Variants in COL22A1 observed in about 807,000 individuals in gnomAD.
COL22A1 encodes collagen alpha-1(XXII) chain.
COL22A1 carries 221 observed loss-of-function variants against 248.9 expected under a neutral mutation model. The observed-to-expected ratio is 0.89, with a 90% confidence interval of 0.80 to 0.99. The LOEUF (loss-of-function observed/expected upper bound fraction) is 0.99, where lower values mean the gene tolerates loss of function less well. Among genes scored for constraint, COL22A1 ranks in the 50% least tolerant of loss-of-function variants. COL22A1 has a pLI of 0.00. For synonymous variants in COL22A1, 891 were observed against 793.4 expected (o/e 1.12, Z -2.07); for missense variants, 2,240 against 2,179.0 (o/e 1.03, Z -0.56).
chr8:138,820,835 T>C (rs937239526), intron 7 of COL22A1, among the ~76,000 whole-genome samples: 4 of 152,226 alleles, frequency 2.6e-5, no homozygotes, highest in African/African-American at 9.6e-5. Context: ...TGCTCTCTTT[T>C]GCGGGTACCG....
At chr8:138,722,853 G>C (rs1337306748) in intron 25 of COL22A1, among the ~76,000 whole-genome samples, 1 of 128,514 alleles carries the variant, frequency 7.8e-6, no homozygotes, top group African/African-American at 2.8e-5. Flanking sequence ...ATGGGGGCGG[G>C]GGGGGGGTGG....
intron 3 of COL22A1, among the ~76,000 whole-genome samples, chr8:138,849,719 A>G (rs1821492753): frequency 6.6e-6 from 1 of 152,058 alleles, no homozygotes; most frequent in Non-Finnish European, 1.5e-5. Context: ...CTCACCCTGT[A>G]CCTATAGGAT....
At chr8:138,660,178 C>T (rs1823687900) in intron 44 of COL22A1, among the ~76,000 whole-genome samples, 1 of 152,238 alleles carries the variant, frequency 6.6e-6, no homozygotes, top group African/African-American at 2.4e-5. Context: ...GGTGTTGACC[C>T]ATGACCGAGC....
At position 138,722,072 on chromosome 8, in the gene COL22A1, G is replaced by A. The variant is rs141313886; in HGVS notation, c.2265C>T (p.Asp755=). The A allele has an allele frequency of 6.6e-5, 104 of 1,583,286 alleles. 1 individual carries two copies. In the African/African-American group the frequency reaches 7.4e-4, roughly 11 times the overall value. The change falls in exon 26 of 65, where the codon GAC becomes GAT. Residue 755 remains aspartate, a synonymous_variant. Coordinates refer to ENST00000303045, the MANE Select transcript of COL22A1 (RefSeq NM_152888.3). ...PPGPTGPPGK[D]GPNGPPGPPG... ...GCGGACCTGGTGGTCCATTTGGCCC[G>A]TCCTTTCCAGGGGGTCCCTGGGCCA...
In COL22A1 at chr8:138,694,830, TC is replaced by T. The variant is rs1827371564; in HGVS notation, c.2641del (p.Glu881AsnfsTer121). The T allele has an allele frequency of 6.2e-7, 1 of 1,613,882 alleles. No homozygotes were observed. Among genetic ancestry groups the T allele is most frequent in the Non-Finnish European group, 8.5e-7 (1 of 1,179,976 alleles). On this transcript the variant is annotated frameshift_variant, in exon 33 of 65. Coordinates refer to ENST00000303045, the MANE Select transcript of COL22A1 (RefSeq NM_152888.3). LOFTEE classifies it high-confidence loss of function. ...GEKGDPGLPG[E>X]PGLQGRPGEL... ...AAGGGGACACAAGAGACTCACCGGT[TC>T]CCCAGGCAGGCCTGGATCGCCCTTC...
intron 3 of COL22A1, among the ~76,000 whole-genome samples, chr8:138,849,440 G>A (rs1821473478): frequency 6.6e-6 from 1 of 152,260 alleles, no homozygotes; most frequent in Admixed American, 6.5e-5. Context: ...ACTTCTTCCT[G>A]TAGAAAGAAA....
chr8:138,878,092 G>C lies in COL22A1; in HGVS notation c.316C>G (p.Arg106Gly). 1 of 1,599,176 alleles carries C rather than the reference G, an allele frequency of 6.3e-7. No individual in the cohort carries two copies. Among genetic ancestry groups the C allele is most frequent in the Non-Finnish European group, 8.5e-7 (1 of 1,173,962 alleles). The change falls in exon 3 of 65, where the codon CGG becomes GGG. Residue 106 changes from arginine to glycine, a missense_variant. By Grantham distance (125) the Arg-to-Gly change is moderately radical. Transcript: ENST00000303045. ...GSQEEVKAAA[R>G]RLAYHGGNTN... ...TTGCCCCCGTGGTAGGCGAGACGCCGGGCAGCCGCCTTGACCTCCTCCTGC... is the reference window on the plus strand; with the variant it reads ...TTGCCCCCGTGGTAGGCGAGACGCCCGGCAGCCGCCTTGACCTCCTCCTGC...
chr8:138,671,447 G>A (rs773360371), intron 41 of COL22A1, among the ~76,000 whole-genome samples: 4 of 152,216 alleles, frequency 2.6e-5, no homozygotes, highest in Admixed American at 2.6e-4. Flanking sequence ...GCCACCTCCT[G>A]TTGCGATTGT....
In COL22A1 at chr8:138,594,832, T is replaced by A. The variant is rs143362868; in HGVS notation, c.4433-633A>T. Among the ~76,000 whole-genome samples, 30 of 152,260 alleles carry A rather than the reference T, an allele frequency of 2.0e-4. 2 individuals carry two copies. In the East Asian group the frequency reaches 5.8e-3, roughly 29 times the overall value. ...GGTAAATGGCTTACACAAAGCTATG[T>A]TGGTCACTTTTCCTCTCCGATGTCA... On this transcript the variant is annotated intron_variant, in intron 62 of 64. Transcript: ENST00000303045.
chr8:138,662,064 C>G lies in COL22A1; in HGVS notation c.3206G>C (p.Gly1069Ala), dbSNP rs754956096. 1.2e-6 allele frequency: 2 copies of G among 1,612,236 alleles called. No homozygotes were observed. Among genetic ancestry groups the G allele is most frequent in the South Asian group, 2.2e-5 (2 of 90,656 alleles). Reference protein sequence around the residue: ...KGSPGSRGLPGFPGPQGPAGR... With the variant: ...KGSPGSRGLPAFPGPQGPAGR... ...GGCTGGGCCCTGGGGGCCAGGGAAT[C>G]CAGGTAAGCCTCGTGATCCCTGAAG... Residue 1069 changes from glycine (G) to alanine (A), a missense_variant, in exon 43 of 65, where the codon GGA becomes GCA. By Grantham distance (60) the Gly-to-Ala change is moderately conservative. Coordinates refer to ENST00000303045, the MANE Select transcript of COL22A1 (RefSeq NM_152888.3).
At chr8:138,704,387 C>G (rs1029440014) in intron 30 of COL22A1, among the ~76,000 whole-genome samples, 1 of 152,236 alleles carries the variant, frequency 6.6e-6, no homozygotes, top group African/African-American at 2.4e-5. Flanking sequence ...TAGGGGCCAA[C>G]TGAAACCTCA....
At chr8:138,672,374 AT>A (rs1320552437) in intron 41 of COL22A1, among the ~76,000 whole-genome samples, 5 of 152,144 alleles carry the variant, frequency 3.3e-5, no homozygotes. Flanking sequence ...TTACTCTAAT[AT>A]TTCAGTGGCT....
chr8:138,694,467 C>T, intron 34 of COL22A1, 41 bp downstream of exon 34: 1 of 1,600,468 alleles, frequency 6.2e-7, no homozygotes, highest in Non-Finnish European at 8.6e-7. Context: ...GCTGGGATCT[C>T]CAAGTCTCTG....
chr8:138,668,203 A>G (rs1298989963), intron 41 of COL22A1, among the ~76,000 whole-genome samples: 4 of 152,208 alleles, frequency 2.6e-5, no homozygotes, highest in Admixed American at 6.5e-5. Flanking sequence ...TCTTTTAGAA[A>G]CATATACTGA....
chr8:138,731,423 C>T (rs1685360907), intron 23 of COL22A1, among the ~76,000 whole-genome samples: 1 of 152,108 alleles, frequency 6.6e-6, no homozygotes, highest in Non-Finnish European at 1.5e-5. Context: ...AGCGCCAGCA[C>T]TGGAAGAAGG....
In COL22A1 at chr8:138,692,463, ATGTGTGTGTG is replaced by A. The variant is rs145298366; in HGVS notation, c.2754+1173_2754+1182del. Among the ~76,000 whole-genome samples the A allele has an allele frequency of 4.1e-3, 556 of 136,090 alleles. 3 individuals are homozygous for A. The highest frequency in any genetic ancestry group is 0.01 in the African/African-American group (359 of 35,000). 89.3% of individuals were successfully genotyped at this position (136,090 alleles called of 152,430 possible). A position where few individuals can be genotyped will look rare whatever the true frequency, so the allele number is the denominator to read the frequency against. ...TGTGTGGAGGTGTGTGTGTGAGTGC[ATGTGTGTGTG>A]TGTGTGTGTGTGTGTGTGTGTGTGT... On this transcript the variant is annotated intron_variant, in intron 35 of 64. Transcript: ENST00000303045.
At chr8:138,679,714 C>T (rs377698208) in intron 39 of COL22A1, 38 bp from the exon 40 acceptor site, 3 of 1,579,688 alleles carry the variant, frequency 1.9e-6, no homozygotes, top group Non-Finnish European at 2.6e-6. Context: ...CTTCACCAAA[C>T]AAATGTTTAC....
chr8:138,644,191 G>A (rs994825781), intron 47 of COL22A1, among the ~76,000 whole-genome samples: 23 of 152,208 alleles, frequency 1.5e-4, no homozygotes, highest in African/African-American at 4.8e-4. Flanking sequence ...TTTGGCAGAA[G>A]TGAGTTAGGT....
rs1307074445 is a variant in COL22A1, at chr8:138,761,089, C to G, written c.1858-802G>C. Among the ~76,000 whole-genome samples the G allele has an allele frequency of 2.0e-5, 3 of 152,292 alleles. No individual in the cohort carries two copies. The East Asian group carries it at 5.8e-4, about 29-fold the overall frequency. On this transcript the variant is annotated intron_variant, in intron 17 of 64. Coordinates refer to ENST00000303045, the MANE Select transcript of COL22A1 (RefSeq NM_152888.3). The stretch of plus-strand genomic sequence containing the variant: ...ACCCTCACTTCCTCTGTACTCTGAA[C>G]AGCAAAGATCTGTAACCCCACTGCC...
Sources: gnomAD v4.1 joint callset for allele counts (sites outside exome capture counted in the v4.1 genomes callset) on GRCh38, gnomAD v4.1.1 for gene constraint, MANE v1.5 for transcripts, NCBI Gene and HGNC (gene_info 2026-07-23, HGNC 2026-07-21) for gene names.